FBXL18: variants seen among roughly 807,000 people sequenced by gnomAD.
FBXL18 encodes F-box/LRR-repeat protein 18.
FBXL18 carries 36 observed loss-of-function variants against 46.0 expected under a neutral mutation model. The ratio of observed to expected loss-of-function variants is 0.78; its 90% CI spans 0.60 to 1.03. The LOEUF is 1.03. Among genes scored for constraint, FBXL18 ranks in the 50% least tolerant of loss-of-function variants. The pLI, the probability that FBXL18 is intolerant of heterozygous loss-of-function variation, is 0.00. For missense variants in FBXL18, 977 were observed against 1,004.1 expected (o/e 0.97, Z 0.36); for synonymous variants, 557 against 465.3 (o/e 1.20, Z -2.54).
intron 4 of FBXL18, among the ~76,000 whole-genome samples, chr7:5,456,079 C>G (rs537360507): frequency 6.6e-6 from 1 of 152,122 alleles, no homozygotes; most frequent in African/African-American, 2.4e-5. Flanking sequence ...TGCACTGGCC[C>G]GGTCACCCCA....
Position 5,496,945 on chromosome 7 carries a change from C to T in FBXL18, c.1781+3543G>A, listed in dbSNP as rs774378843. Among the ~76,000 whole-genome samples the T allele has an allele frequency of 4.0e-5, 6 of 149,592 alleles. No individual in the cohort carries two copies. The highest frequency in any genetic ancestry group is 3.0e-5 in the Non-Finnish European group (2 of 67,734). ...ACTCTGGAGGCTGAGACAGGAGAAT[C>T]GCTTGAATCCAGGAGGCAGAGGTTG... On this transcript the variant is annotated intron_variant, in intron 3 of 4. Transcript: ENST00000382368. This position sits in a 1 kb window ranked among gnomAD's most constrained non-coding sequence, Gnocchi z 4.8.
intron 4 of FBXL18, among the ~76,000 whole-genome samples, chr7:5,465,563 C>T (rs1047755633): frequency 3.3e-5 from 5 of 152,052 alleles, no homozygotes; most frequent in African/African-American, 9.7e-5. Flanking sequence ...CAGCTTTGAA[C>T]TCCTGGACTC....
intron 1 of FBXL18, among the ~76,000 whole-genome samples, chr7:5,513,328 G>A (rs1182887618): frequency 6.6e-6 from 1 of 152,100 alleles, no homozygotes; most frequent in East Asian, 1.9e-4. Flanking sequence ...AGGGCTGCAG[G>A]GGCCCAGCCA....
At chr7:5,458,380 C>A (rs1247208099) in intron 4 of FBXL18, among the ~76,000 whole-genome samples, 4 of 152,170 alleles carry the variant, frequency 2.6e-5, no homozygotes, top group African/African-American at 9.7e-5. Flanking sequence ...ACCTGGCCAA[C>A]ATGGTGAAAC....
At chr7:5,500,344 C>G (rs1784200905) in intron 3 of FBXL18, 144 bp downstream of exon 3, 1 of 716,872 alleles carries the variant, frequency 1.4e-6, no homozygotes, top group Non-Finnish European at 2.3e-6. Flanking sequence ...CCCAGAGCCC[C>G]GAGACCGACG....
chr7:5,466,398 G>A (rs551547775), intron 4 of FBXL18, among the ~76,000 whole-genome samples: 1 of 152,298 alleles, frequency 6.6e-6, no homozygotes, highest in Admixed American at 6.5e-5. Context: ...GCCTTTGCCA[G>A]CTTCTAGAAT....
chr7:5,512,118 G>A (rs187399435), intron 1 of FBXL18, among the ~76,000 whole-genome samples: 1,959 of 149,754 alleles, frequency 0.013, 24 homozygotes, highest in Non-Finnish European at 0.02. Context: ...GGTGGCGGGC[G>A]CCCGTAGTCC....
At chr7:5,472,902 C>A (rs1256047451), downstream of FBXL18, among the ~76,000 whole-genome samples, 2 of 152,140 alleles carry the variant, frequency 1.3e-5, no homozygotes, top group East Asian at 3.9e-4. Flanking sequence ...TATTGCTCAG[C>A]CTTGGCGCTC....
At chr7:5,463,002 TATAC>T (rs1562671888) in intron 4 of FBXL18, among the ~76,000 whole-genome samples, 2 of 87,526 alleles carry the variant, frequency 2.3e-5, no homozygotes, top group African/African-American at 7.8e-5. Flanking sequence ...ATATAATATA[TATAC>T]ACACACACAT....
chr7:5,487,989 G>A (rs547057430), intron 4 of FBXL18, among the ~76,000 whole-genome samples: 3 of 152,258 alleles, frequency 2.0e-5, no homozygotes, highest in Non-Finnish European at 4.4e-5. Flanking sequence ...GCTCTCCCAG[G>A]CACCTGCGTG....
At chr7:5,510,940 T>C (rs540407964) in intron 1 of FBXL18, among the ~76,000 whole-genome samples, 1 of 152,148 alleles carries the variant, frequency 6.6e-6, no homozygotes, top group Non-Finnish European at 1.5e-5. Flanking sequence ...TAATGACAAC[T>C]TGAAAGTGGT....
In FBXL18 at chr7:5,501,572, A is replaced by T; in HGVS notation, c.697T>A (p.Phe233Ile). Residue 233 changes from phenylalanine to isoleucine, a missense_variant, in exon 3 of 5, where the codon TTC (phenylalanine) becomes ATC (isoleucine). Transcript: ENST00000382368. Reference sequence around the variant, plus strand: ...TAGCCGGGGGCCAGGCGCGCATAGAAGACCCGCAGGTTCTGGTAGTGCGGC... The same window carrying T: ...TAGCCGGGGGCCAGGCGCGCATAGATGACCCGCAGGTTCTGGTAGTGCGGC... The part of the protein sequence containing the change: ...NVPHYQNLRV[F>I]YARLAPGYIN... 1 of 1,613,906 alleles carries T rather than the reference A, an allele frequency of 6.2e-7. No individual in the cohort carries two copies. The highest frequency in any genetic ancestry group is 2.2e-5 in the East Asian group (1 of 44,884).
chr7:5,484,820 G>C (rs559396306), intron 4 of FBXL18, among the ~76,000 whole-genome samples: 1 of 152,006 alleles, frequency 6.6e-6, no homozygotes, highest in African/African-American at 2.4e-5. Flanking sequence ...TGTATCTTTA[G>C]TAGAGACAGG....
rs1462072206 is a variant in FBXL18 at position 5,481,872 on chromosome 7, A to G, written c.2060T>C (p.Leu687Pro). The change falls in exon 5 of 5, where the codon CTG becomes CCG. Residue 687 changes from leucine to proline, a missense_variant. Coordinates refer to ENST00000382368, the MANE Select transcript of FBXL18 (RefSeq NM_024963.6). ...GGGGACGTCCCGGATGACGTCGGTC[A>G]GGCCCTCGTGGAGCAGAGGGAAGAT... The part of the protein sequence containing the change: ...VVIFPLLHEG[L>P]TDVIRDVPLV... 6.2e-7 allele frequency: 1 copy of G among 1,613,798 alleles called. No individual in the cohort carries two copies. The highest frequency in any genetic ancestry group is 2.2e-5 in the East Asian group (1 of 44,884).
chr7:5,467,178 C>CGTCTCT (rs1169730139), intron 4 of FBXL18, among the ~76,000 whole-genome samples: 35 of 152,102 alleles, frequency 2.3e-4, no homozygotes, highest in Admixed American at 1.8e-3. Flanking sequence ...AGTGAAACCC[C>CGTCTCT]GTCTCTACTA....
intron 4 of FBXL18, among the ~76,000 whole-genome samples, chr7:5,459,430 C>T (rs1456544765): frequency 2.6e-5 from 4 of 152,144 alleles, no homozygotes; most frequent in Non-Finnish European, 5.9e-5. Flanking sequence ...TGGTGAAACT[C>T]CATCTCTATT....
At position 5,513,749 on chromosome 7, in the gene FBXL18, G is replaced by T; in HGVS notation, c.-75C>A. ...CCCACCTGCCCGGCTAGGGATGCTC[G>T]AAGCCGGCGCGTCCACCGCTCAACC... On this transcript the variant is annotated 5_prime_UTR_variant, in exon 1 of 5. Transcript: ENST00000382368. 1 of 1,550,266 alleles carries T rather than the reference G, an allele frequency of 6.5e-7. No individual in the cohort carries two copies. Among genetic ancestry groups the T allele is most frequent in the Non-Finnish European group, 8.7e-7 (1 of 1,146,320 alleles).
chr7:5,490,170 C>T (rs1783884288), intron 4 of FBXL18: 1 of 1,353,062 alleles, frequency 7.4e-7, no homozygotes, highest in African/African-American at 1.5e-5. Context: ...CTTCTCGCAA[C>T]TCTGTGAACA....
At chr7:5,462,950 C>CAAA (rs138208570) in intron 4 of FBXL18, among the ~76,000 whole-genome samples, 12 of 22,380 alleles carry the variant, frequency 5.4e-4, no homozygotes, top group East Asian at 1.8e-3. Context: ...GACTTGGTCT[C>CAAA]AAAAAAAAAA....
Sources: allele counts gnomAD v4.1 joint callset (sites outside exome capture counted in the v4.1 genomes callset), GRCh38; gene constraint gnomAD v4.1.1; non-coding constraint Gnocchi (gnomAD v3.1); transcripts MANE v1.5; gene names NCBI Gene and HGNC (gene_info 2026-07-23, HGNC 2026-07-21).